The following DHX15 variants were observed in gnomAD, a reference collection of about 807,000 sequenced individuals.
DHX15 encodes the protein ATP-dependent RNA helicase DHX15.
Under a neutral mutation model 94.4 loss-of-function variants are expected in DHX15, and 11 were observed. The observed-to-expected ratio is 0.12, with a 90% CI of 0.07 to 0.19. The LOEUF (loss-of-function observed/expected upper bound fraction) is 0.19. DHX15 is among the 10% of genes least tolerant of loss of function. The pLI, the probability that DHX15 is intolerant of heterozygous loss-of-function variation, is 1.00. For synonymous variants in DHX15, 338 were observed against 329.9 expected (o/e 1.02, Z -0.27); for missense variants, 304 against 988.5 (o/e 0.31, Z 9.29).
chr4:24,584,234 A>C (rs1030537711), intron 1 of DHX15, 89 bp downstream of exon 1: 15 of 1,329,850 alleles, frequency 1.1e-5, no homozygotes, highest in Admixed American at 2.1e-5. Flanking sequence ...GGGCTCCAGG[A>C]CCCGCTCGGC....
chr4:24,563,924 G>C (rs529234120), intron 3 of DHX15, among the ~76,000 whole-genome samples: 2 of 151,980 alleles, frequency 1.3e-5, no homozygotes, highest in Non-Finnish European at 2.9e-5. Context: ...AAAATTAGCC[G>C]GGCGTGGTGG....
intron 3 of DHX15, among the ~76,000 whole-genome samples, chr4:24,563,028 T>C (rs1171408795): frequency 6.6e-6 from 1 of 152,112 alleles, no homozygotes; most frequent in Non-Finnish European, 1.5e-5. Context: ...CAAAATGGTG[T>C]TGATTAATGT....
intron 5 of DHX15, among the ~76,000 whole-genome samples, chr4:24,549,936 A>G (rs1022764575): frequency 1.5e-4 from 23 of 151,826 alleles, no homozygotes; most frequent in Admixed American, 2.6e-4. Flanking sequence ...TCTACTAAAA[A>G]TACAAAATTA....
intron 8 of DHX15, 29 bp downstream of exon 8, chr4:24,541,844 T>C (rs1277862082): frequency 2.6e-6 from 4 of 1,525,746 alleles, no homozygotes; most frequent in African/African-American, 1.4e-5. Flanking sequence ...ATTTTAAACA[T>C]ATCGGCAGGA....
intron 6 of DHX15, 62 bp from the exon 7 acceptor site, chr4:24,543,088 A>ATTTT: frequency 8.5e-7 from 1 of 1,181,118 alleles, no homozygotes; most frequent in Non-Finnish European, 1.2e-6. Context: ...AGGACTGTTA[A>ATTTT]AGATCAGCCA....
chr4:24,560,274 C>T (rs1721840890), intron 3 of DHX15, among the ~76,000 whole-genome samples: 1 of 151,428 alleles, frequency 6.6e-6, no homozygotes, highest in East Asian at 1.9e-4. Flanking sequence ...ACAAACTAAG[C>T]CTAAGAAAGG....
chr4:24,533,110 A>C (rs750707775), intron 11 of DHX15, 56 bp from the exon 12 acceptor site: 14 of 1,394,598 alleles, frequency 1.0e-5, no homozygotes, highest in Non-Finnish European at 1.4e-5. Flanking sequence ...CCACACAGGA[A>C]TGTTCTCTAA....
chr4:24,534,338 T>C (rs1721149736), intron 11 of DHX15: 1 of 152,202 alleles, frequency 6.6e-6, no homozygotes, highest in Non-Finnish European at 1.5e-5. Context: ...GGTTGTTGAT[T>C]TGCAGACTAT....
intron 6 of DHX15, among the ~76,000 whole-genome samples, chr4:24,544,782 GAATA>G (rs1481019180): frequency 1.3e-5 from 2 of 152,082 alleles, no homozygotes; most frequent in African/African-American, 4.8e-5. Flanking sequence ...GGGTTGTAGG[GAATA>G]AATTATGTAA....
intron 3 of DHX15, among the ~76,000 whole-genome samples, chr4:24,564,537 T>C (rs993362261): frequency 6.6e-6 from 1 of 152,218 alleles, no homozygotes; most frequent in African/African-American, 2.4e-5. Context: ...GTGAAATCTC[T>C]ATACATTCAA....
intron 3 of DHX15, among the ~76,000 whole-genome samples, chr4:24,569,591 C>CAAA (rs60075617): frequency 0.021 from 1,449 of 67,796 alleles, 73 homozygotes; most frequent in African/African-American, 0.031. Flanking sequence ...GACTCCATCT[C>CAAA]AAAAAAAAAA....
chr4:24,565,121 A>T (rs1156909820), intron 3 of DHX15, among the ~76,000 whole-genome samples: 1 of 152,248 alleles, frequency 6.6e-6, no homozygotes, highest in Non-Finnish European at 1.5e-5. Flanking sequence ...AACAGAACTC[A>T]CAGAAAGCTA....
chr4:24,557,927 T>C (rs1721771835), intron 3 of DHX15, among the ~76,000 whole-genome samples: 1 of 151,660 alleles, frequency 6.6e-6, no homozygotes, highest in Non-Finnish European at 1.5e-5. Flanking sequence ...GCTTCCTCTA[T>C]TTGTGAGTTA....
intron 6 of DHX15, among the ~76,000 whole-genome samples, chr4:24,546,812 T>G (rs1164980081): frequency 6.6e-6 from 1 of 152,222 alleles, no homozygotes; most frequent in Non-Finnish European, 1.5e-5. Context: ...TGATGGAAAT[T>G]AAAATTTGTA....
At chr4:24,536,213 C>T (rs1721194490) in intron 11 of DHX15, among the ~76,000 whole-genome samples, 1 of 152,076 alleles carries the variant, frequency 6.6e-6, no homozygotes, top group Non-Finnish European at 1.5e-5. Flanking sequence ...TGATTTAAAG[C>T]TAGAACAATT....
At position 24,541,847 on chromosome 4, in the gene DHX15, C is replaced by T. The variant is rs186182118; in HGVS notation, c.1485+26G>A. On this transcript the variant is annotated intron_variant, in intron 8 of 13. Coordinates refer to ENST00000336812, the MANE Select transcript of DHX15 (RefSeq NM_001358.3). ...ATTCAACCTAACATTTTAAACATAT[C>T]GGCAGGAAACGACAATACCCCATAC... 815 of 1,522,270 alleles carry T rather than the reference C, an allele frequency of 5.4e-4. 1 individual carries two copies. Among genetic ancestry groups the T allele is most frequent in the Non-Finnish European group, 6.6e-4 (740 of 1,124,600 alleles). 94.3% of individuals were successfully genotyped at this position (1,522,270 alleles called of 1,614,324 possible).
Position 24,527,841 on chromosome 4 carries a change from A to C in DHX15, c.*83T>G. 2 of 935,106 alleles carry C rather than the reference A, an allele frequency of 2.1e-6. No individual in the cohort carries two copies. The highest frequency in any genetic ancestry group is 3.4e-6 in the Non-Finnish European group (2 of 579,778). 57.9% of individuals were successfully genotyped at this position (935,106 alleles called of 1,614,324 possible). ...TCAAATAAAGGCCATTATCGAACCA[A>C]CGTGAAGAGCACAACTCGAACTTTT... On this transcript the variant is annotated 3_prime_UTR_variant, in exon 14 of 14. Transcript: ENST00000336812.
chr4:24,570,926 A>C, intron 2 of DHX15, 79 bp from the exon 3 acceptor site: 43 of 1,413,312 alleles, frequency 3.0e-5, no homozygotes, highest in Non-Finnish European at 3.8e-5. Flanking sequence ...ACTTTATCTC[A>C]TTCTAATGAT....
intron 6 of DHX15, among the ~76,000 whole-genome samples, chr4:24,545,142 A>C (rs1047347262): frequency 1.3e-5 from 2 of 152,230 alleles, no homozygotes; most frequent in Admixed American, 6.5e-5. Flanking sequence ...CATGCCTGTA[A>C]ATACAGAAGA....
Sources: gnomAD v4.1 joint callset for allele counts (sites outside exome capture counted in the v4.1 genomes callset) on GRCh38, gnomAD v4.1.1 for gene constraint, MANE v1.5 for transcripts, NCBI Gene and HGNC (gene_info 2026-07-23, HGNC 2026-07-21) for gene names.